Variants in DLGAP2 observed in about 807,000 individuals in gnomAD.
DLGAP2 encodes the protein disks large-associated protein 2.
A neutral mutation model predicts 100.3 loss-of-function variants in DLGAP2; 26 were observed. That is an observed-to-expected ratio of 0.26 (90% CI 0.19 to 0.36). DLGAP2 has a LOEUF of 0.36. DLGAP2 is among the 10% of genes least tolerant of loss of function. The probability of loss-of-function intolerance (pLI) is 1.00; values close to 1 mark genes in which losing one functional copy is unlikely to be tolerated. For synonymous variants in DLGAP2, 886 were observed against 630.1 expected (o/e 1.41, Z -6.08); for missense variants, 1,858 against 1,453.2 (o/e 1.28, Z -4.53).
chr8:1,069,391 C>A (rs1803359866), intron 2 of DLGAP2, among the ~76,000 whole-genome samples: 1 of 152,142 alleles, frequency 6.6e-6, no homozygotes, highest in Non-Finnish European at 1.5e-5. Flanking sequence ...GCCGGCTTCT[C>A]CCATGCCCTG....
intron 1 of DLGAP2, among the ~76,000 whole-genome samples, chr8:875,420 T>G (rs1231842827): frequency 2.0e-5 from 3 of 152,178 alleles, no homozygotes; most frequent in African/African-American, 7.2e-5. Context: ...TGGCGGCAGT[T>G]TCCTCCATGC....
At chr8:1,186,251 A>G (rs73537289) in intron 2 of DLGAP2, among the ~76,000 whole-genome samples, 18,293 of 152,264 alleles carry the variant, frequency 0.12, 2,179 homozygotes, top group African/African-American at 0.31. Context: ...GCTATGCTGG[A>G]GTTACTAGAG....
intron 2 of DLGAP2, among the ~76,000 whole-genome samples, chr8:937,834 C>T (rs1391706076): frequency 6.6e-6 from 1 of 152,132 alleles, no homozygotes; most frequent in African/African-American, 2.4e-5. Flanking sequence ...GGAGTGGGAT[C>T]GACTCTACGG....
rs192372211 is a variant in DLGAP2 at position 938,810 on chromosome 8, G to A, written c.73+30844G>A. ...GCCACGGGAGCCAGAGGGAACCCAG[G>A]TCTCGGCTCTCATTGCCTCAGAGGC... is the stretch of plus-strand genomic sequence containing the variant. On this transcript the variant is annotated intron_variant, in intron 2 of 14. Coordinates refer to ENST00000637795, the MANE Select transcript of DLGAP2 (RefSeq NM_001346810.2). 7.0e-3 allele frequency among the ~76,000 whole-genome samples: 1,071 copies of A among 152,308 alleles called. 22 individuals are homozygous for A. Among genetic ancestry groups the A allele is most frequent in the African/African-American group, 0.025 (1,041 of 41,572 alleles).
chr8:1,170,986 T>C (rs1797116190), intron 2 of DLGAP2, among the ~76,000 whole-genome samples: 1 of 151,768 alleles, frequency 6.6e-6, no homozygotes, highest in Non-Finnish European at 1.5e-5. Flanking sequence ...AGGGTGTCAA[T>C]TTTGGATCTT....
chr8:1,547,815 C>T (rs3812478), intron 4 of DLGAP2, among the ~76,000 whole-genome samples: 11,175 of 152,206 alleles, frequency 0.073, 692 homozygotes, highest in African/African-American at 0.16. Context: ...GCACAGCTGC[C>T]CCCACACAGA....
rs142012646 is a variant in DLGAP2 at position 1,141,637 on chromosome 8, G to A, written c.74-117214G>A. On this transcript the variant is annotated intron_variant, in intron 2 of 14. Transcript: ENST00000637795. ...TGGACATACTCAAAGACATGGGTAA[G>A]TATTAGCAAAAATTTGGAAACAACC... Among the ~76,000 whole-genome samples the A allele has an allele frequency of 2.4e-4, 37 of 152,124 alleles. 1 individual carries two copies. The highest frequency in any genetic ancestry group is 8.7e-4 in the African/African-American group (36 of 41,424).
chr8:1,157,177 C>T (rs1796807755), intron 2 of DLGAP2, among the ~76,000 whole-genome samples: 1 of 152,144 alleles, frequency 6.6e-6, no homozygotes, highest in Admixed American at 6.5e-5. Flanking sequence ...CTCTCTTTAG[C>T]TGTGATCAGC....
At chr8:1,368,251 T>C (rs1381102169) in intron 3 of DLGAP2, among the ~76,000 whole-genome samples, 1 of 152,022 alleles carries the variant, frequency 6.6e-6, no homozygotes, top group Non-Finnish European at 1.5e-5. Flanking sequence ...TGTGTGAGCA[T>C]GTGTGTGCGT....
In DLGAP2 at chr8:1,258,982, T is replaced by A. The variant is rs185926723; in HGVS notation, c.106+99T>A. 29 of 1,040,528 alleles carry A rather than the reference T, an allele frequency of 2.8e-5. No individual in the cohort carries two copies. The African/African-American group carries it at 4.6e-4, about 17-fold the overall frequency. The allele number at this position is 1,040,528 out of a possible 1,614,324, so 64.5% of individuals were successfully genotyped here. ...CCATGAAACGTGTTGGAGAGAACCTTGAACATTGAGGACGCAGTCTGTGTG... is the reference window on the plus strand; with the variant it reads ...CCATGAAACGTGTTGGAGAGAACCTAGAACATTGAGGACGCAGTCTGTGTG... On this transcript the variant is annotated intron_variant, in intron 3 of 14. Transcript: ENST00000637795.
At chr8:1,303,785 A>C (rs907718403) in intron 3 of DLGAP2, among the ~76,000 whole-genome samples, 1 of 152,028 alleles carries the variant, frequency 6.6e-6, no homozygotes, top group Non-Finnish European at 1.5e-5. Context: ...TTAATCCTGC[A>C]TCCGGTGCTC....
At chr8:1,269,483 ATCT>A (rs916249944) in intron 3 of DLGAP2, among the ~76,000 whole-genome samples, 31 of 152,260 alleles carry the variant, frequency 2.0e-4, no homozygotes, top group African/African-American at 5.3e-4. Flanking sequence ...TGAGTTTTAG[ATCT>A]TCTTTGTCTG....
At chr8:1,691,404 G>T in intron 12 of DLGAP2, 131 bp from the exon 13 acceptor site, 1 of 722,230 alleles carries the variant, frequency 1.4e-6, no homozygotes, top group South Asian at 1.9e-5. Flanking sequence ...CAGCGAACAC[G>T]CTCGGCACGA....
chr8:919,784 C>T (rs953866549), intron 2 of DLGAP2, among the ~76,000 whole-genome samples: 2 of 152,232 alleles, frequency 1.3e-5, no homozygotes, highest in Non-Finnish European at 2.9e-5. Context: ...ACACAGAAGG[C>T]TCTGCCATGT....
chr8:1,493,337 C>T (rs1799448315), intron 3 of DLGAP2, among the ~76,000 whole-genome samples: 1 of 152,202 alleles, frequency 6.6e-6, no homozygotes, highest in African/African-American at 2.4e-5. Context: ...AGACACGCCT[C>T]TGTGGACCCA....
At chr8:775,254 G>T (rs1489264397) in intron 1 of DLGAP2, among the ~76,000 whole-genome samples, 2 of 152,108 alleles carry the variant, frequency 1.3e-5, no homozygotes, top group Non-Finnish European at 2.9e-5. Context: ...TTTGGGCTGA[G>T]ACAATGGGGT....
chr8:1,029,015 C>T (rs1273961524), intron 2 of DLGAP2, among the ~76,000 whole-genome samples: 1 of 152,132 alleles, frequency 6.6e-6, no homozygotes, highest in Non-Finnish European at 1.5e-5. Flanking sequence ...GCGAGGGATC[C>T]AAGCTGTCCT....
At chr8:1,447,487 C>A (rs1798013437) in intron 3 of DLGAP2, among the ~76,000 whole-genome samples, 1 of 152,162 alleles carries the variant, frequency 6.6e-6, no homozygotes, top group Non-Finnish European at 1.5e-5. Flanking sequence ...ATTCGGTTTG[C>A]CAGTATTTTA....
chr8:1,565,634 C>T (rs772537326), intron 5 of DLGAP2, 49 bp from the exon 6 acceptor site: 22 of 1,488,228 alleles, frequency 1.5e-5, no homozygotes, highest in South Asian at 2.5e-5. Flanking sequence ...CTGATGCTGC[C>T]GTTCTCAGTG....
Sources: gnomAD v4.1 joint callset for allele counts (sites outside exome capture counted in the v4.1 genomes callset) on GRCh38, gnomAD v4.1.1 for gene constraint, MANE v1.5 for transcripts, NCBI Gene and HGNC (gene_info 2026-07-23, HGNC 2026-07-21) for gene names.